The following CACNA2D3 variants were observed in gnomAD, a reference collection of about 807,000 sequenced individuals.
The protein encoded by CACNA2D3 is voltage-dependent calcium channel subunit alpha-2/delta-3.
Under a neutral mutation model 160.6 loss-of-function variants are expected in CACNA2D3, and 60 were observed. The observed-to-expected ratio is 0.37, with a 90% confidence interval of 0.30 to 0.46. CACNA2D3 has a LOEUF of 0.46. Among genes scored for constraint, CACNA2D3 ranks in the 20% least tolerant of loss-of-function variants. CACNA2D3 has a pLI of 1.00. For missense variants in CACNA2D3, 1,205 were observed against 1,365.0 expected, an observed-to-expected ratio of 0.88 and a Z score of 1.85; for synonymous variants, 558 against 492.9, an observed-to-expected ratio of 1.13 and a Z score of -1.75.
chr3:54,747,513 T>C (rs1204205669), intron 11 of CACNA2D3, among the ~76,000 whole-genome samples: 1 of 152,204 alleles, frequency 6.6e-6, no homozygotes, highest in Non-Finnish European at 1.5e-5. Flanking sequence ...TGCTCTATCC[T>C]GCAGCCAGAA....
At chr3:54,772,864 C>G (rs1337218673) in intron 13 of CACNA2D3, among the ~76,000 whole-genome samples, 1 of 152,164 alleles carries the variant, frequency 6.6e-6, no homozygotes, top group Admixed American at 6.5e-5. Flanking sequence ...TGCTATTCAA[C>G]TTGCTGTGCA....
At chr3:54,514,697 G>A (rs1222113280) in intron 5 of CACNA2D3, among the ~76,000 whole-genome samples, 1 of 152,156 alleles carries the variant, frequency 6.6e-6, no homozygotes, top group Non-Finnish European at 1.5e-5. Context: ...GGAAGGTGGG[G>A]GTGGCCACGG....
intron 10 of CACNA2D3, among the ~76,000 whole-genome samples, chr3:54,635,660 T>C (rs1234685929): frequency 6.6e-6 from 1 of 151,906 alleles, no homozygotes; most frequent in Non-Finnish European, 1.5e-5. Flanking sequence ...TATTGTCCAG[T>C]CCTTTTTGGT....
At chr3:54,987,987 G>A (rs977077369) in intron 31 of CACNA2D3, among the ~76,000 whole-genome samples, 1 of 152,106 alleles carries the variant, frequency 6.6e-6, no homozygotes, top group African/African-American at 2.4e-5. Context: ...AGCATTTATT[G>A]GAGGCCAGTA....
chr3:54,261,366 G>C (rs1191026334), intron 2 of CACNA2D3, among the ~76,000 whole-genome samples: 1 of 152,152 alleles, frequency 6.6e-6, no homozygotes, highest in Non-Finnish European at 1.5e-5. Context: ...TTACCATGGG[G>C]AGGAACTAAA....
At chr3:54,979,751 G>A (rs888206634) in intron 29 of CACNA2D3, among the ~76,000 whole-genome samples, 1 of 151,994 alleles carries the variant, frequency 6.6e-6, no homozygotes, top group Non-Finnish European at 1.5e-5. Context: ...CTATTCTAAT[G>A]TCACAATCTC....
At chr3:54,777,029 T>C (rs1702438061) in intron 13 of CACNA2D3, among the ~76,000 whole-genome samples, 1 of 152,326 alleles carries the variant, frequency 6.6e-6, no homozygotes, top group East Asian at 1.9e-4. Context: ...ATTCCTCTTA[T>C]TACCAGCATG....
At chr3:54,621,462 C>T (rs922938577) in intron 9 of CACNA2D3, among the ~76,000 whole-genome samples, 17 of 152,186 alleles carry the variant, frequency 1.1e-4, no homozygotes, top group Admixed American at 7.9e-4. Context: ...GCTTTGGAAG[C>T]GAGGCTTTTT....
At chr3:54,486,070 A>C (rs1253218982) in intron 4 of CACNA2D3, among the ~76,000 whole-genome samples, 1 of 152,216 alleles carries the variant, frequency 6.6e-6, no homozygotes, top group Admixed American at 6.5e-5. Flanking sequence ...ATAGACAGGG[A>C]GAAGCTGTGA....
intron 4 of CACNA2D3, among the ~76,000 whole-genome samples, chr3:54,468,006 A>G (rs1211340973): frequency 6.6e-6 from 1 of 152,212 alleles, no homozygotes; most frequent in Non-Finnish European, 1.5e-5. Context: ...TACAATTATG[A>G]TGTGTCAATT....
At chr3:54,687,121 C>CTTTTTTTTTTTTTTTTTCT (rs757838355) in intron 11 of CACNA2D3, among the ~76,000 whole-genome samples, 1 of 94,932 alleles carries the variant, frequency 1.1e-5, no homozygotes, top group African/African-American at 4.0e-5. Context: ...TTTTCTTTTT[C>CTTTTTTTTTTTTTTTTTCT]TTTTTTTTTT....
At chr3:54,229,976 A>G (rs1342622991) in intron 2 of CACNA2D3, among the ~76,000 whole-genome samples, 1 of 152,210 alleles carries the variant, frequency 6.6e-6, no homozygotes, top group Non-Finnish European at 1.5e-5. Flanking sequence ...ATGCTTCTGA[A>G]TAACACAGGG....
At chr3:54,648,912 A>G (rs1334975445) in intron 11 of CACNA2D3, among the ~76,000 whole-genome samples, 2 of 152,146 alleles carry the variant, frequency 1.3e-5, no homozygotes, top group African/African-American at 2.4e-5. Context: ...AGTCATTACC[A>G]TGGGGCAGCA....
chr3:54,994,677 A>G (rs1389079720), intron 31 of CACNA2D3, among the ~76,000 whole-genome samples: 1 of 152,198 alleles, frequency 6.6e-6, no homozygotes, highest in Non-Finnish European at 1.5e-5. Context: ...AACATGCATT[A>G]CCTTAATTAA....
chr3:54,367,670 C>T, intron 3 of CACNA2D3: 1 of 228,176 alleles, frequency 4.4e-6, no homozygotes, highest in Non-Finnish European at 9.4e-6. Flanking sequence ...CCCAGTAGAG[C>T]TCATCCCAGA....
At chr3:54,138,399 C>T (rs58484750) in intron 2 of CACNA2D3, among the ~76,000 whole-genome samples, 3,694 of 152,216 alleles carry the variant, frequency 0.024, 169 homozygotes, top group East Asian at 0.22. Flanking sequence ...TTGGGGTGAG[C>T]GGTGGTCCTC....
intron 27 of CACNA2D3, among the ~76,000 whole-genome samples, chr3:54,925,617 T>G (rs1390742670): frequency 6.6e-6 from 1 of 152,244 alleles, no homozygotes; most frequent in Non-Finnish European, 1.5e-5. Flanking sequence ...CTTACATTTC[T>G]GTAAAGTATG....
chr3:54,716,932 C>T (rs868544026), intron 11 of CACNA2D3, among the ~76,000 whole-genome samples: 35 of 149,204 alleles, frequency 2.3e-4, no homozygotes, highest in Middle Eastern at 6.9e-3. Context: ...TTAACAAGTT[C>T]CCTCTACCAT....
intron 12 of CACNA2D3, among the ~76,000 whole-genome samples, chr3:54,754,290 C>T (rs1478868768): frequency 1.3e-5 from 2 of 152,178 alleles, no homozygotes; most frequent in Admixed American, 6.5e-5. Flanking sequence ...GTATCCAAGT[C>T]GTATCCAAGT....
Sources: allele counts gnomAD v4.1 joint callset (sites outside exome capture counted in the v4.1 genomes callset), GRCh38; gene constraint gnomAD v4.1.1; transcripts MANE v1.5; gene names NCBI Gene and HGNC (gene_info 2026-07-23, HGNC 2026-07-21).